Variants in RSF1 observed in about 807,000 individuals in gnomAD.
RSF1 encodes HBV pX-associated protein 8.
Under a neutral mutation model 145.2 loss-of-function variants are expected in RSF1, and 13 were observed. The observed-to-expected ratio is 0.09, with a 90% confidence interval of 0.06 to 0.14. The LOEUF is 0.14. Ranked by LOEUF, RSF1 falls within the 10% of genes least tolerant of loss-of-function variation. RSF1 has a pLI of 1.00. For synonymous variants in RSF1, 577 were observed against 592.6 expected (o/e 0.97, Z 0.38); for missense variants, 1,517 against 1,718.2 (o/e 0.88, Z 2.07).
chr11:77,739,475 A>T (rs1961454087), intron 4 of RSF1: 1 of 152,238 alleles, frequency 6.6e-6, no homozygotes, highest in Non-Finnish European at 1.5e-5. Flanking sequence ...CCGTTTAGCA[A>T]ATTAATTACA....
rs1959295746 is a variant in RSF1, at chr11:77,663,919, A to C, written c.*2998T>G. The C allele has an allele frequency of 6.6e-6, 1 of 152,166 alleles. No homozygotes were observed. The highest frequency in any genetic ancestry group is 2.4e-5 in the African/African-American group (1 of 41,434). 9.4% of individuals were successfully genotyped at this position (152,166 alleles called of 1,614,324 possible). On this transcript the variant is annotated 3_prime_UTR_variant, in exon 16 of 16. Coordinates refer to ENST00000308488, the MANE Select transcript of RSF1 (RefSeq NM_016578.4). ...TGGGAGTCCAACTTGTATTTCAACAAGGGGGGTTTAAATTATTAAAGGGCT... is the reference window on the plus strand; with the variant it reads ...TGGGAGTCCAACTTGTATTTCAACACGGGGGGTTTAAATTATTAAAGGGCT...
the RSF1 span, among the ~76,000 whole-genome samples, chr11:77,861,543 A>C: frequency 6.6e-6 from 1 of 152,252 alleles, no homozygotes; most frequent in East Asian, 1.9e-4. Flanking sequence ...CTGCTGCTGG[A>C]TCATTTGGTT....
chr11:77,792,334 G>A (rs543892394), intron 1 of RSF1, among the ~76,000 whole-genome samples: 5 of 152,194 alleles, frequency 3.3e-5, no homozygotes, highest in African/African-American at 1.2e-4. Context: ...TGGGGACACA[G>A]CCAAACCATA....
intron 3 of RSF1, among the ~76,000 whole-genome samples, chr11:77,742,823 C>T (rs534152570): frequency 1.3e-5 from 2 of 152,258 alleles, no homozygotes; most frequent in Admixed American, 6.5e-5. Context: ...CTTGCTGTTG[C>T]TTGAGTTCTT....
At chr11:77,763,781 C>T (rs1301568955) in intron 2 of RSF1, 1 of 152,074 alleles carries the variant, frequency 6.6e-6, no homozygotes, top group Admixed American at 6.6e-5. Context: ...TGGGAAGGTA[C>T]TCCAGGCAGA....
chr11:77,701,688 T>C lies in RSF1; in HGVS notation c.1541A>G (p.Asp514Gly), dbSNP rs1960428217. ...GATCTCTAAGACTGATATTGAACTA[T>C]CTGCATCTTTCCTCAAAGGGGCTGT... ...KETAPLRKDA[D>G]SSISVLEIHS... Residue 514 changes from aspartate to glycine, a missense_variant, in exon 6 of 16, where the codon GAT (aspartate) becomes GGT (glycine). This residue lies in a region of RSF1 where 579 missense variants were observed against 553.5 expected (regional missense o/e 1.05). Coordinates refer to ENST00000308488, the MANE Select transcript of RSF1 (RefSeq NM_016578.4). 3 of 1,613,872 alleles carry C rather than the reference T, an allele frequency of 1.9e-6. No homozygotes were observed. Among genetic ancestry groups the C allele is most frequent in the African/African-American group, 1.3e-5 (1 of 74,926 alleles).
At chr11:77,820,119 A>G (rs1948840713) in intron 1 of RSF1, among the ~76,000 whole-genome samples, 1 of 152,032 alleles carries the variant, frequency 6.6e-6, no homozygotes, top group Admixed American at 6.5e-5. Flanking sequence ...GGAGGGAGTA[A>G]GGGTGGGGAG....
chr11:77,696,315 C>T (rs1960275868), intron 7 of RSF1, among the ~76,000 whole-genome samples: 1 of 152,150 alleles, frequency 6.6e-6, no homozygotes. Flanking sequence ...TTGACTAAAA[C>T]ATCTGGAAAA....
chr11:77,806,486 G>A (rs1197651366), intron 1 of RSF1, among the ~76,000 whole-genome samples: 1 of 151,920 alleles, frequency 6.6e-6, no homozygotes, highest in Non-Finnish European at 1.5e-5. Flanking sequence ...ACCCAGCCTG[G>A]GCTACATAGC....
In RSF1 at chr11:77,820,591, A is replaced by G. The variant is rs770219610; in HGVS notation, c.124T>C (p.Leu42=). The change falls in exon 1 of 16, where the codon TTG becomes CTG. Residue 42 remains leucine, a synonymous_variant. Transcript: ENST00000308488. Reference sequence around the variant, plus strand: ...ACCCGCTCCAGCTCAGGGAACGGCAACTCAGGCAGGTCTAGCAGCGGCCCG... The same window carrying G: ...ACCCGCTCCAGCTCAGGGAACGGCAGCTCAGGCAGGTCTAGCAGCGGCCCG... ...RYGPLLDLPE[L]PFPELERVLQ... is the part of the protein sequence containing the mutation. The G allele has an allele frequency of 1.9e-6, 3 of 1,565,162 alleles. No individual in the cohort carries two copies. In the Admixed American group the frequency reaches 5.8e-5, roughly 30 times the overall value.
At position 77,725,561 on chromosome 11, in the gene RSF1, T is replaced by C. The variant is rs1342978260; in HGVS notation, c.717A>G (p.Glu239=). The change falls in exon 5 of 16, where the codon GAA becomes GAG. Residue 239 remains glutamate, a synonymous_variant. Transcript: ENST00000308488. ...SLEDEETKKE[E]ETPKQEEQKE... ...AAAAAAAACCTTGTTTAGGTGTTTC[T>C]TCCTCTTTTTTAGTCTCCTCATCCT... The C allele has an allele frequency of 3.2e-6, 5 of 1,570,112 alleles. No individual in the cohort carries two copies. Among genetic ancestry groups the C allele is most frequent in the African/African-American group, 1.4e-5 (1 of 73,344 alleles).
At chr11:77,710,081 CAA>C (rs1243084557) in intron 5 of RSF1, among the ~76,000 whole-genome samples, 3 of 152,054 alleles carry the variant, frequency 2.0e-5, no homozygotes, top group Non-Finnish European at 4.4e-5. Flanking sequence ...GCAGCTACCC[CAA>C]GAGAGCTATA....
intron 11 of RSF1, among the ~76,000 whole-genome samples, chr11:77,683,086 G>GCA: frequency 6.6e-6 from 1 of 151,630 alleles, no homozygotes; most frequent in East Asian, 2.0e-4. Context: ...AGGTCAAGAG[G>GCA]TTGAGACTAT....
At chr11:77,871,468 A>T in the RSF1 span, among the ~76,000 whole-genome samples, 1 of 152,218 alleles carries the variant, frequency 6.6e-6, no homozygotes, top group Non-Finnish European at 1.5e-5. Context: ...AAAACTAGAC[A>T]ACTTCAGATA....
In RSF1 at chr11:77,672,059, G is replaced by C. The variant is rs1959568747; in HGVS notation, c.3734C>G (p.Ser1245Cys). Residue 1245 changes from serine to cysteine, a missense_variant, in exon 15 of 16, where the codon TCC (serine) becomes TGC (cysteine). By Grantham distance (112) the Ser-to-Cys change is moderately radical (BLOSUM62 -1). Around this residue, in one of 12 missense-constraint regions of RSF1, gnomAD observed 240 missense variants for 231.8 expected, o/e 1.04. Coordinates refer to ENST00000308488, the MANE Select transcript of RSF1 (RefSeq NM_016578.4). ...TGCCTTACCTTCACTCTCTGAGCTG[G>C]AAAGTCTTCGCTTGTGTACTCGCCT... ...EIRRVHKRRL[S>C]SSESEESYLS... 6.2e-7 allele frequency: 1 copy of C among 1,611,744 alleles called. No homozygotes were observed. Among genetic ancestry groups the C allele is most frequent in the South Asian group, 1.1e-5 (1 of 90,202 alleles).
In RSF1 at chr11:77,740,796, G is replaced by A. The variant is rs1206700839; in HGVS notation, c.513C>T (p.His171=). The A allele has an allele frequency of 1.2e-6, 2 of 1,614,010 alleles. No individual in the cohort carries two copies. The highest frequency in any genetic ancestry group is 8.5e-7 in the Non-Finnish European group (1 of 1,180,008). ...GTTCTTCTATGTACATTCTGACATT[G>A]TGATCTTGATCCAATTGGTACCAGT... is the stretch of plus-strand genomic sequence containing the variant. ...LMYWYQLDQD[H]NVRMYIEEQD... is the part of the protein sequence containing the mutation. Residue 171 remains histidine (H), a synonymous_variant, in exon 4 of 16, where the codon CAC becomes CAT. Transcript: ENST00000308488.
chr11:77,701,987 C>T lies in RSF1; in HGVS notation c.1242G>A (p.Leu414=). ...CTTCCTCTTGTTTTATTTCATCTTT[C>T]AAAAACTCTTTTGTTGGAGTAACTG... The part of the protein sequence containing the change: ...CKSVTPTKEF[L]KDEIKQEEET... The change falls in exon 6 of 16, where the codon TTG becomes TTA. Residue 414 remains leucine (L), a synonymous_variant. Transcript: ENST00000308488. The T allele has an allele frequency of 6.2e-7, 1 of 1,613,946 alleles. No homozygotes were observed. The highest frequency in any genetic ancestry group is 1.1e-5 in the South Asian group (1 of 91,028).
chr11:77,684,868 T>A (rs1034602371), intron 10 of RSF1, among the ~76,000 whole-genome samples: 2 of 152,012 alleles, frequency 1.3e-5, no homozygotes, highest in Non-Finnish European at 2.9e-5. Flanking sequence ...GCACCTGTAA[T>A]CCCAGCTACT....
chr11:77,724,587 G>A (rs1051645470), intron 5 of RSF1, among the ~76,000 whole-genome samples: 3 of 152,142 alleles, frequency 2.0e-5, no homozygotes, highest in African/African-American at 7.2e-5. Context: ...TACAACAGTG[G>A]TTCCCAACCT....
Sources: gnomAD v4.1 joint callset for allele counts (sites outside exome capture counted in the v4.1 genomes callset) on GRCh38, gnomAD v4.1.1 for gene constraint, gnomAD v4.1.1 regional missense constraint, MANE v1.5 for transcripts, NCBI Gene and HGNC (gene_info 2026-07-23, HGNC 2026-07-21) for gene names.